The following DGKH variants were observed in gnomAD, a reference collection of about 807,000 sequenced individuals.
DGKH encodes DAG kinase eta.
Under a neutral mutation model 159.3 loss-of-function variants are expected in DGKH, and 90 were observed. That is an observed-to-expected ratio of 0.57 (90% CI 0.48 to 0.67). DGKH has a LOEUF of 0.67. Ranked by LOEUF, DGKH falls within the 30% of genes least tolerant of loss-of-function variation. The pLI, the probability that DGKH is intolerant of heterozygous loss-of-function variation, is 0.00. For missense variants in DGKH, 1,181 were observed against 1,506.1 expected, an observed-to-expected ratio of 0.78 and a Z score of 3.57; for synonymous variants, 536 against 553.8, an observed-to-expected ratio of 0.97 and a Z score of 0.45.
intron 22 of DGKH, 30 bp downstream of exon 22, chr13:42,209,102 C>G: frequency 6.3e-7 from 1 of 1,581,898 alleles, no homozygotes; most frequent in Non-Finnish European, 8.7e-7. Context: ...CCTGACTGCA[C>G]TTCTTGGGCT....
At chr13:42,042,125 A>G (rs560580619) in intron 1 of DGKH, among the ~76,000 whole-genome samples, 16 of 152,352 alleles carry the variant, frequency 1.1e-4, no homozygotes, top group Admixed American at 7.8e-4. Context: ...ACATGTCGTC[A>G]GGTTGCCCAT....
At chr13:42,188,189 C>T (rs1167204698) in intron 14 of DGKH, among the ~76,000 whole-genome samples, 1 of 152,176 alleles carries the variant, frequency 6.6e-6, no homozygotes, top group Non-Finnish European at 1.5e-5. Flanking sequence ...AGTATTTCTG[C>T]TCTAACCTTG....
chr13:42,141,671 T>A (rs1303059302), intron 3 of DGKH, among the ~76,000 whole-genome samples: 1 of 152,232 alleles, frequency 6.6e-6, no homozygotes, highest in Non-Finnish European at 1.5e-5. Context: ...CATTTTTTCA[T>A]GTGTCTTTTG....
intron 1 of DGKH, among the ~76,000 whole-genome samples, chr13:42,126,232 T>A (rs1468489969): frequency 6.6e-6 from 1 of 152,190 alleles, no homozygotes; most frequent in Non-Finnish European, 1.5e-5. Context: ...GTAAATTACA[T>A]TATGTGTCAG....
chr13:42,181,248 G>A (rs1956752314), intron 13 of DGKH, among the ~76,000 whole-genome samples: 1 of 130,750 alleles, frequency 7.6e-6, no homozygotes. Flanking sequence ...CTGCACTCCC[G>A]CCTGGGCCAC....
At chr13:42,099,081 A>G (rs904882112) in intron 1 of DGKH, among the ~76,000 whole-genome samples, 2 of 152,190 alleles carry the variant, frequency 1.3e-5, no homozygotes, top group African/African-American at 4.8e-5. Context: ...CCTTTTGTCA[A>G]AAATGCACCT....
intron 3 of DGKH, among the ~76,000 whole-genome samples, chr13:42,148,372 C>T (rs1337054445): frequency 6.6e-6 from 1 of 152,180 alleles, no homozygotes; most frequent in African/African-American, 2.4e-5. Context: ...CCCTCACGGT[C>T]ACTCCTCACA....
chr13:42,094,195 C>T (rs540896236), intron 1 of DGKH, among the ~76,000 whole-genome samples: 8 of 152,030 alleles, frequency 5.3e-5, no homozygotes, highest in Admixed American at 1.3e-4. Context: ...GTGCAGCACA[C>T]CGACATGGCA....
chr13:42,082,666 C>T (rs1357190930), intron 1 of DGKH, among the ~76,000 whole-genome samples: 1 of 152,188 alleles, frequency 6.6e-6, no homozygotes, highest in Non-Finnish European at 1.5e-5. Context: ...ATTTTCAAGT[C>T]ACCATTTTCA....
chr13:42,060,502 A>AT (rs1882076487), intron 1 of DGKH, among the ~76,000 whole-genome samples: 1 of 152,174 alleles, frequency 6.6e-6, no homozygotes, highest in African/African-American at 2.4e-5. Context: ...CAGTCTACTC[A>AT]TTCCCGGCCA....
rs138921610 is a variant in DGKH at position 42,051,581 on chromosome 13, C to T, written c.192+2616C>T. Among the ~76,000 whole-genome samples the T allele has an allele frequency of 2.1e-3, 321 of 150,766 alleles. 1 individual carries two copies. Among genetic ancestry groups the T allele is most frequent in the Middle Eastern group, 7.0e-3 (2 of 286 alleles). The stretch of plus-strand genomic sequence containing the variant: ...AAAAGACAAATACTTTCTGTGTCTC[C>T]GCACAGGTGTGTAAGATGGGAGCAC... On this transcript the variant is annotated intron_variant, in intron 1 of 29. Coordinates refer to ENST00000337343, the MANE Select transcript of DGKH (RefSeq NM_178009.5).
intron 26 of DGKH, among the ~76,000 whole-genome samples, chr13:42,217,478 A>G (rs1163489321): frequency 6.6e-6 from 1 of 151,938 alleles, no homozygotes; most frequent in Admixed American, 6.6e-5. Context: ...CCTGACTTCA[A>G]GTGATCCACC....
chr13:42,253,650 G>T (rs187134610), intron 30 of DGKH, among the ~76,000 whole-genome samples: 7 of 152,272 alleles, frequency 4.6e-5, no homozygotes, highest in African/African-American at 1.7e-4. Flanking sequence ...TTTCTCCTAA[G>T]CTCCTGGGAA....
At chr13:42,245,617 ACT>A, downstream of DGKH, among the ~76,000 whole-genome samples, 1 of 151,688 alleles carries the variant, frequency 6.6e-6, no homozygotes, top group Non-Finnish European at 1.5e-5. Flanking sequence ...ATGGAGTCTC[ACT>A]CTGTTTCCCA....
intron 25 of DGKH, 80 bp from the exon 26 acceptor site, chr13:42,215,495 A>G: frequency 2.8e-6 from 3 of 1,071,868 alleles, no homozygotes; most frequent in African/African-American, 1.6e-5. Context: ...TTAAATTATA[A>G]GAATAAAATT....
intron 1 of DGKH, among the ~76,000 whole-genome samples, chr13:42,115,159 T>C (rs568139789): frequency 6.6e-6 from 1 of 152,330 alleles, no homozygotes; most frequent in Admixed American, 6.5e-5. Context: ...ATTTTTGTTT[T>C]ATGCTTCCTG....
downstream of DGKH, among the ~76,000 whole-genome samples, chr13:42,247,605 C>G (rs1958591809): frequency 6.6e-6 from 1 of 152,178 alleles, no homozygotes; most frequent in Non-Finnish European, 1.5e-5. Flanking sequence ...GAAACAGCCT[C>G]AGGCAGTTCC....
intron 1 of DGKH, among the ~76,000 whole-genome samples, chr13:42,112,919 A>AG (rs970415332): frequency 2.0e-5 from 3 of 152,194 alleles, no homozygotes; most frequent in African/African-American, 7.2e-5. Flanking sequence ...CCCAGCACAC[A>AG]GGGTTGAGTC....
At chr13:42,048,302 G>A (rs1395432098), upstream of DGKH, among the ~76,000 whole-genome samples, 1 of 151,078 alleles carries the variant, frequency 6.6e-6, no homozygotes, top group Non-Finnish European at 1.5e-5. The surrounding 1 kb of genome is among the most constrained non-coding windows in gnomAD (Gnocchi z 6.7). Flanking sequence ...CTTCCCCAGG[G>A]ATCGGCGTTG....
Sources: gnomAD v4.1 joint callset for allele counts (sites outside exome capture counted in the v4.1 genomes callset) on GRCh38, gnomAD v4.1.1 for gene constraint, Gnocchi (gnomAD v3.1) non-coding constraint, MANE v1.5 for transcripts, NCBI Gene and HGNC (gene_info 2026-07-23, HGNC 2026-07-21) for gene names.